GUF1: variants seen among roughly 807,000 people sequenced by gnomAD.
GUF1 encodes the protein translation factor GUF1, mitochondrial.
GUF1 carries 78 observed loss-of-function variants against 82.4 expected under a neutral mutation model. The observed-to-expected ratio is 0.95, with a 90% confidence interval of 0.79 to 1.14. The LOEUF is 1.14. GUF1 is among the 50% of genes most tolerant of loss of function. The probability of loss-of-function intolerance (pLI) is 0.00; values close to 1 mark genes in which losing one functional copy is unlikely to be tolerated. For synonymous variants in GUF1, 279 were observed against 282.3 expected, an observed-to-expected ratio of 0.99 and a Z score of 0.12; for missense variants, 814 against 798.2, an observed-to-expected ratio of 1.02 and a Z score of -0.24.
intron 6 of GUF1, among the ~76,000 whole-genome samples, chr4:44,684,588 A>T (rs549462122): frequency 6.6e-6 from 1 of 152,238 alleles, no homozygotes; most frequent in African/African-American, 2.4e-5. Flanking sequence ...AAGAAGAGAT[A>T]CAGGGAATCC....
At position 44,700,556 on chromosome 4, in the gene GUF1, C is replaced by G. The variant is rs1716174551; in HGVS notation, c.*1875C>G. 6.6e-6 allele frequency: 1 copy of G among 152,102 alleles called. No individual in the cohort carries two copies. Among genetic ancestry groups the G allele is most frequent in the Non-Finnish European group, 1.5e-5 (1 of 68,028 alleles). The allele number at this position is 152,102 out of a possible 1,614,324, so 9.4% of individuals were successfully genotyped here. Reference sequence around the variant, plus strand: ...ACCTTACACATACTGATTGATGTCTCATGTCTCTCTAAAATGTGTAAAACC... The same window carrying G: ...ACCTTACACATACTGATTGATGTCTGATGTCTCTCTAAAATGTGTAAAACC... On this transcript the variant is annotated 3_prime_UTR_variant, in exon 17 of 17. Transcript: ENST00000281543.
chr4:44,697,872 C>T (rs945122638), intron 16 of GUF1, among the ~76,000 whole-genome samples: 3 of 152,066 alleles, frequency 2.0e-5, no homozygotes, highest in Non-Finnish European at 4.4e-5. Context: ...TGCACCAGCT[C>T]GGTGGCTCAC....
chr4:44,688,247 A>G, intron 9 of GUF1, 101 bp downstream of exon 9: 1 of 1,108,764 alleles, frequency 9.0e-7, no homozygotes, highest in Middle Eastern at 2.1e-4. Context: ...GTTATTTTAA[A>G]TAACCACTAA....
At chr4:44,693,169 C>G (rs966320823) in intron 13 of GUF1, among the ~76,000 whole-genome samples, 1 of 151,914 alleles carries the variant, frequency 6.6e-6, no homozygotes, top group African/African-American at 2.4e-5. Flanking sequence ...TTATTTCATA[C>G]CAGGAGGCAA....
chr4:44,685,460 G>C (rs762372368), intron 6 of GUF1, among the ~76,000 whole-genome samples: 22 of 152,164 alleles, frequency 1.4e-4, no homozygotes, highest in Non-Finnish European at 2.5e-4. Flanking sequence ...CAGTGATAAA[G>C]GTCAGTCATA....
intron 6 of GUF1, 103 bp from the exon 7 acceptor site, chr4:44,685,856 A>G: frequency 5.8e-6 from 4 of 689,086 alleles, no homozygotes; most frequent in Non-Finnish European, 7.5e-6. Context: ...ATTGATAACT[A>G]TTGGAATTTT....
chr4:44,691,777 TC>T lies in GUF1; in HGVS notation c.1594del (p.Leu532TyrfsTer21). 3.8e-6 allele frequency: 6 copies of T among 1,593,278 alleles called. No individual in the cohort carries two copies. The highest frequency in any genetic ancestry group is 5.1e-6 in the Non-Finnish European group (6 of 1,170,860). ...GGTAGATTTTTATGACTCTTTGAAA[TC>T]CCTATCTTCTGGATATGCTAGGTAA... ...IVVDFYDSLKSLSSGYASFDY... is the reference protein window; with the variant it reads ...IVVDFYDSLKXLSSGYASFDY... On this transcript the variant is annotated frameshift_variant, in exon 13 of 17. Coordinates refer to ENST00000281543, the MANE Select transcript of GUF1 (RefSeq NM_021927.3). LOFTEE classifies it high-confidence loss of function.
rs867697033 is a variant in GUF1, at chr4:44,694,397, C to T, written c.1614-15C>T. 1 of 1,534,766 alleles carries T rather than the reference C, an allele frequency of 6.5e-7. No individual in the cohort carries two copies. The highest frequency in any genetic ancestry group is 9.0e-7 in the Non-Finnish European group (1 of 1,108,804). ...GGAAGTGTAATATTTATCACTTGGA[C>T]TTTTTTCCTTTTAGTTTTGATTACG... is the stretch of plus-strand genomic sequence containing the variant. On this transcript the variant is annotated splice_polypyrimidine_tract_variant and intron_variant, in intron 13 of 16. Coordinates refer to ENST00000281543, the MANE Select transcript of GUF1 (RefSeq NM_021927.3).
At chr4:44,690,312 A>T (rs1305269093) in intron 11 of GUF1, among the ~76,000 whole-genome samples, 6 of 151,882 alleles carry the variant, frequency 4.0e-5, no homozygotes, top group Non-Finnish European at 7.4e-5. Flanking sequence ...AATTTTGGTC[A>T]TAAGTAATTT....
At chr4:44,680,585 G>T in intron 2 of GUF1, 33 bp downstream of exon 2, 2 of 1,483,714 alleles carry the variant, frequency 1.3e-6, no homozygotes, top group Non-Finnish European at 1.8e-6. Context: ...TTAACTGATG[G>T]CTGCGAGTTA....
chr4:44,686,860 A>G, intron 8 of GUF1, 147 bp downstream of exon 8: 1 of 604,210 alleles, frequency 1.7e-6, no homozygotes, highest in Non-Finnish European at 2.9e-6. Flanking sequence ...TGCTCTGTCA[A>G]GGAATCTCAT....
chr4:44,683,461 A>G (rs891218452), intron 6 of GUF1, 143 bp downstream of exon 6: 15 of 542,842 alleles, frequency 2.8e-5, no homozygotes, highest in Non-Finnish European at 4.2e-5. Context: ...ATTTCCTTTG[A>G]TCCTTATCAA....
At chr4:44,682,450 C>A in intron 5 of GUF1, 39 bp downstream of exon 5, 1 of 1,066,662 alleles carries the variant, frequency 9.4e-7, no homozygotes, top group Non-Finnish European at 1.3e-6. Flanking sequence ...ATTTCACTTT[C>A]TAAAAGTACA....
chr4:44,688,047 G>A lies in GUF1; in HGVS notation c.979G>A (p.Asp327Asn). 1 of 1,612,330 alleles carries A rather than the reference G, an allele frequency of 6.2e-7. No homozygotes were observed. Among genetic ancestry groups the A allele is most frequent in the Non-Finnish European group, 8.5e-7 (1 of 1,178,716 alleles). Residue 327 changes from aspartate (D) to asparagine (N), a missense_variant, in exon 9 of 17, where the codon GAT (aspartate) becomes AAT (asparagine). Physicochemically the swap from Asp to Asn is conservative, Grantham distance 23. Coordinates refer to ENST00000281543, the MANE Select transcript of GUF1 (RefSeq NM_021927.3). ...GGGCTATCTGATTGCTGGGATGAAA[G>A]ATGTCACTGAAGCGCAAATAGGAGA... is the stretch of plus-strand genomic sequence containing the variant. ...QVGYLIAGMK[D>N]VTEAQIGDTL...
intron 3 of GUF1, 65 bp downstream of exon 3, chr4:44,680,907 T>C (rs1714736209): frequency 7.2e-7 from 1 of 1,387,940 alleles, no homozygotes; most frequent in Admixed American, 2.0e-5. Context: ...TGCAAACAGA[T>C]CCTTGTTTAA....
chr4:44,690,498 A>T (rs950664399), intron 11 of GUF1, among the ~76,000 whole-genome samples: 5 of 151,812 alleles, frequency 3.3e-5, no homozygotes, highest in Non-Finnish European at 5.9e-5. Context: ...ATAATGTTTT[A>T]TAAGTGTCAG....
At position 44,699,920 on chromosome 4, in the gene GUF1, G is replaced by A. The variant is rs759297474; in HGVS notation, c.*1239G>A. ...ATTGTCTAAATTTCATAATCGAAGC[G>A]ATTTTAGAGTAGTTAACTTGAGATT... On this transcript the variant is annotated 3_prime_UTR_variant, in exon 17 of 17. Transcript: ENST00000281543. The A allele has an allele frequency of 5.9e-5, 9 of 152,144 alleles. No individual in the cohort carries two copies. The highest frequency in any genetic ancestry group is 1.0e-4 in the Non-Finnish European group (7 of 68,038). The allele number at this position is 152,144 out of a possible 1,614,324, so 9.4% of individuals were successfully genotyped here.
At chr4:44,684,235 C>T (rs1436899390) in intron 6 of GUF1, among the ~76,000 whole-genome samples, 1 of 151,992 alleles carries the variant, frequency 6.6e-6, no homozygotes. Flanking sequence ...AGTGAAAAGT[C>T]TTTTTTCTTA....
In GUF1 at chr4:44,689,835, T is replaced by TC; in HGVS notation, c.1203-3dup. The TC allele has an allele frequency of 1.3e-6, 2 of 1,590,952 alleles. 1 individual carries two copies. The highest frequency in any genetic ancestry group is 2.3e-5 in the South Asian group (2 of 87,806). ...AAACATTTTGGAGTTTGTCTTTTCC[T>TC]CCCCCAGGCTAGGATTTCTTGGACT... On this transcript the variant is annotated splice_region_variant and splice_polypyrimidine_tract_variant and intron_variant, in intron 10 of 16. Coordinates refer to ENST00000281543, the MANE Select transcript of GUF1 (RefSeq NM_021927.3).
Sources: allele counts gnomAD v4.1 joint callset (sites outside exome capture counted in the v4.1 genomes callset), GRCh38; gene constraint gnomAD v4.1.1; transcripts MANE v1.5; gene names NCBI Gene and HGNC (gene_info 2026-07-23, HGNC 2026-07-21).